The following EFR3B variants were observed in gnomAD, a reference collection of about 807,000 sequenced individuals.
EFR3B encodes protein EFR3 homolog B.
A neutral mutation model predicts 104.7 loss-of-function variants in EFR3B; 64 were observed. The observed-to-expected ratio is 0.61, with a 90% CI of 0.50 to 0.75. The LOEUF is 0.75. EFR3B is among the 30% of genes least tolerant of loss of function. The probability of loss-of-function intolerance (pLI) is 0.00; values close to 1 mark genes in which losing one functional copy is unlikely to be tolerated. For missense variants in EFR3B, 750 were observed against 1,078.5 expected (o/e 0.70, Z 4.27); for synonymous variants, 385 against 417.9 (o/e 0.92, Z 0.96).
rs1426934695 is a variant in EFR3B at position 25,131,621 on chromosome 2, G to T, written c.985+118G>T. 7 of 1,497,014 alleles carry T rather than the reference G, an allele frequency of 4.7e-6. No homozygotes were observed. Among genetic ancestry groups the T allele is most frequent in the African/African-American group, 1.4e-5 (1 of 71,788 alleles). The allele number at this position is 1,497,014 out of a possible 1,614,324, so 92.7% of individuals were successfully genotyped here. Reference sequence around the variant, plus strand: ...AGTCCGTTTTCCTCGGGAGAAGTCCGCCAGGAAGTTGGGAGCGCAGAGGAA... The same window carrying T: ...AGTCCGTTTTCCTCGGGAGAAGTCCTCCAGGAAGTTGGGAGCGCAGAGGAA... On this transcript the variant is annotated intron_variant, in intron 9 of 22. Coordinates refer to ENST00000403714, the MANE Select transcript of EFR3B (RefSeq NM_014971.2). The surrounding 1 kb of genome is among the most constrained non-coding windows in gnomAD (Gnocchi z 7.6).
chr2:25,139,100 C>T lies in EFR3B; in HGVS notation c.1764C>T (p.Asn588=), dbSNP rs1266810064. 2.6e-6 allele frequency: 4 copies of T among 1,551,782 alleles called. No homozygotes were observed. The highest frequency in any genetic ancestry group is 1.2e-5 in the South Asian group (1 of 84,062). The change falls in exon 16 of 23, where the codon AAC becomes AAT. Residue 588 remains asparagine, a synonymous_variant. Coordinates refer to ENST00000403714, the MANE Select transcript of EFR3B (RefSeq NM_014971.2). ...QVNEENLPVY[N]RCALYALGAA... ...ATGAGGAGAACTTGCCTGTCTACAA[C>T]CGCTGTGCCCTCTATGCTCTGGGCG...
rs1558614019 is a variant in EFR3B at position 25,130,256 on chromosome 2, C to G, written c.770+147C>G. 3.0e-6 allele frequency: 4 copies of G among 1,331,274 alleles called. No homozygotes were observed. The highest frequency in any genetic ancestry group is 2.5e-5 in the East Asian group (1 of 39,626). The allele number at this position is 1,331,274 out of a possible 1,614,324, so 82.5% of individuals were successfully genotyped here. On this transcript the variant is annotated intron_variant, in intron 7 of 22. Coordinates refer to ENST00000403714, the MANE Select transcript of EFR3B (RefSeq NM_014971.2). This position sits in a 1 kb window ranked among gnomAD's most constrained non-coding sequence, Gnocchi z 4.6. ...GATCCCTTCCCTGTGCCTGTGTTCC[C>G]TGCACTGTGACAGCAAAAGCTGCCA...
chr2:25,071,274 T>G (rs2149174619), intron 1 of EFR3B, among the ~76,000 whole-genome samples: 1 of 142,092 alleles, frequency 7.0e-6, no homozygotes, highest in Admixed American at 7.1e-5. Flanking sequence ...TTTTTTTTTT[T>G]TTCTGAGACA....
At chr2:25,121,617 G>T in intron 4 of EFR3B, 56 bp from the exon 5 acceptor site, 1 of 1,547,514 alleles carries the variant, frequency 6.5e-7, no homozygotes. Flanking sequence ...ATGCCCAGCA[G>T]TGAGAAGCAT....
chr2:25,062,525 G>T (rs925337178), intron 1 of EFR3B, among the ~76,000 whole-genome samples: 25 of 152,234 alleles, frequency 1.6e-4, no homozygotes, highest in Non-Finnish European at 7.3e-5. Flanking sequence ...GCTGGCAGTG[G>T]GTATACTAGG....
At chr2:25,120,233 C>A (rs1366019916) in intron 4 of EFR3B, among the ~76,000 whole-genome samples, 3 of 151,912 alleles carry the variant, frequency 2.0e-5, no homozygotes, top group Admixed American at 6.6e-5. Context: ...TGCCTGTAAT[C>A]CTAGCTAGTC....
intron 1 of EFR3B, among the ~76,000 whole-genome samples, chr2:25,044,940 C>G (rs1011812077): frequency 2.0e-5 from 3 of 152,200 alleles, no homozygotes; most frequent in Non-Finnish European, 4.4e-5. Context: ...CTGAGGTCAT[C>G]CCATCTGAAT....
chr2:25,117,018 G>T (rs927076298), intron 4 of EFR3B, among the ~76,000 whole-genome samples: 4 of 152,194 alleles, frequency 2.6e-5, no homozygotes, highest in Non-Finnish European at 4.4e-5. Context: ...AGCTGCACTG[G>T]CTGTGTGACT....
Position 25,093,081 on chromosome 2 carries a change from G to T in EFR3B, c.163G>T (p.Ala55Ser), listed in dbSNP as rs772911555. ...SAPEKLDRIG[A>S]YLSERLIRDV... ...TCCAGAAAAACTTGATCGTATTGGC[G>T]CCTACCTCTCTGAGAGGCTCATCCG... The change falls in exon 3 of 23, where the codon GCC (alanine) becomes TCC (serine). Residue 55 changes from alanine (A) to serine (S), a missense_variant. Ala to Ser is a moderately conservative substitution (Grantham distance 99). Coordinates refer to ENST00000403714, the MANE Select transcript of EFR3B (RefSeq NM_014971.2). 6 of 1,551,558 alleles carry T rather than the reference G, an allele frequency of 3.9e-6. No homozygotes were observed. The South Asian group carries it at 7.1e-5, about 18-fold the overall frequency.
At chr2:25,075,819 A>G (rs549524895) in intron 1 of EFR3B, among the ~76,000 whole-genome samples, 2 of 152,248 alleles carry the variant, frequency 1.3e-5, no homozygotes, top group Non-Finnish European at 2.9e-5. Flanking sequence ...TGGAACAGAC[A>G]AGCTCAAAAC....
At chr2:25,071,253 C>T (rs1482217021) in intron 1 of EFR3B, among the ~76,000 whole-genome samples, 3 of 147,320 alleles carry the variant, frequency 2.0e-5, no homozygotes, top group Non-Finnish European at 3.0e-5. Flanking sequence ...AGCCACCGTG[C>T]CCGGCCTTTT....
intron 5 of EFR3B, among the ~76,000 whole-genome samples, chr2:25,123,445 G>C (rs1007419620): frequency 6.6e-6 from 1 of 152,184 alleles, no homozygotes; most frequent in Non-Finnish European, 1.5e-5. Context: ...GCAGGGCCCG[G>C]TGCAACTGTG....
At chr2:25,121,859 A>G (rs1670025750) in intron 5 of EFR3B, 65 bp downstream of exon 5, 2 of 1,545,866 alleles carry the variant, frequency 1.3e-6, no homozygotes, top group Non-Finnish European at 1.7e-6. Context: ...GGTCCTGTAG[A>G]TAACTTCCAA....
rs534747149 is a variant in EFR3B, at chr2:25,114,855, T to G, written c.364-6818T>G. Among the ~76,000 whole-genome samples the G allele has an allele frequency of 6.6e-5, 10 of 152,274 alleles. No individual in the cohort carries two copies. Among genetic ancestry groups the G allele is most frequent in the African/African-American group, 2.4e-4 (10 of 41,534 alleles). ...GGGCCAAGTACATGCGACCTGTAGA[T>G]CCCCTGCCCCAGAGTAGGGGGAGCG... On this transcript the variant is annotated intron_variant, in intron 4 of 22. Transcript: ENST00000403714. The surrounding 1 kb of genome is among the most constrained non-coding windows in gnomAD (Gnocchi z 4.0).
At chr2:25,149,458 CTCTG>C (rs767945398) in intron 19 of EFR3B, among the ~76,000 whole-genome samples, 6 of 152,162 alleles carry the variant, frequency 3.9e-5, no homozygotes, top group Non-Finnish European at 8.8e-5. Flanking sequence ...AGATTCAGGA[CTCTG>C]TCTAAGTCTG....
chr2:25,140,307 AAAAAT>A (rs1006626559), intron 16 of EFR3B, among the ~76,000 whole-genome samples: 3 of 152,172 alleles, frequency 2.0e-5, no homozygotes, highest in Middle Eastern at 3.2e-3. Flanking sequence ...ACTCTGTCTC[AAAAAT>A]AAAATAAAAT....
At position 25,042,121 on chromosome 2, in the gene EFR3B, G is replaced by A; in HGVS notation, c.-192G>A. The A allele has an allele frequency of 5.1e-6, 2 of 393,912 alleles. No individual in the cohort carries two copies. Among genetic ancestry groups the A allele is most frequent in the Non-Finnish European group, 8.2e-6 (2 of 242,870 alleles). 24.4% of individuals were successfully genotyped at this position (393,912 alleles called of 1,614,324 possible). A position where few individuals can be genotyped will look rare whatever the true frequency, so the allele number is the denominator to read the frequency against. On this transcript the variant is annotated 5_prime_UTR_variant, in exon 1 of 23. Coordinates refer to ENST00000403714, the MANE Select transcript of EFR3B (RefSeq NM_014971.2). The surrounding 1 kb of genome is among the most constrained non-coding windows in gnomAD (Gnocchi z 5.4). The stretch of plus-strand genomic sequence containing the variant: ...GCGGAGGCGGCCGCTGCAGCCCGGC[G>A]CTGAATGGGCTGGCGGCGCCCGGCT...
chr2:25,107,363 C>A (rs1027733612), intron 4 of EFR3B, among the ~76,000 whole-genome samples: 1 of 152,210 alleles, frequency 6.6e-6, no homozygotes, highest in African/African-American at 2.4e-5. Flanking sequence ...CCTGAATTGG[C>A]ATAGCACAAA....
intron 3 of EFR3B, among the ~76,000 whole-genome samples, chr2:25,101,658 A>AT (rs1208790542): frequency 7.2e-5 from 11 of 152,164 alleles, no homozygotes; most frequent in African/African-American, 2.7e-4. Context: ...ACTTCCCCTC[A>AT]TTTTAATGGC....
Sources: gnomAD v4.1 joint callset for allele counts (sites outside exome capture counted in the v4.1 genomes callset) on GRCh38, gnomAD v4.1.1 for gene constraint, Gnocchi (gnomAD v3.1) non-coding constraint, MANE v1.5 for transcripts, NCBI Gene and HGNC (gene_info 2026-07-23, HGNC 2026-07-21) for gene names.